Variants in GLIPR1L1 observed in about 807,000 individuals in gnomAD.
The protein encoded by GLIPR1L1 is GLIPR1-like protein 1.
In GLIPR1L1, 26 loss-of-function variants were observed where a neutral mutation model predicts 29.9. The observed-to-expected ratio is 0.87, with a 90% confidence interval of 0.64 to 1.21. The LOEUF is 1.21. Ranked by LOEUF, GLIPR1L1 falls within the 50% of genes most tolerant of loss-of-function variation. The pLI, the probability that GLIPR1L1 is intolerant of heterozygous loss-of-function variation, is 0.00. For synonymous variants in GLIPR1L1, 77 were observed against 97.5 expected, an observed-to-expected ratio of 0.79 and a Z score of 1.24; for missense variants, 305 against 290.3, an observed-to-expected ratio of 1.05 and a Z score of -0.37.
intron 4 of GLIPR1L1, among the ~76,000 whole-genome samples, chr12:75,364,065 G>A (rs2043801219): frequency 6.6e-6 from 1 of 152,198 alleles, no homozygotes; most frequent in Admixed American, 6.5e-5. Flanking sequence ...TTATTAAGTA[G>A]ATGAAACCTC....
chr12:75,337,877 A>T (rs1398797156), intron 1 of GLIPR1L1, among the ~76,000 whole-genome samples: 4 of 152,056 alleles, frequency 2.6e-5, no homozygotes, highest in Non-Finnish European at 5.9e-5. Flanking sequence ...CCGGGGTTAG[A>T]GATTGACTTT....
chr12:75,365,483 G>T (rs2043903854), intron 4 of GLIPR1L1, among the ~76,000 whole-genome samples: 1 of 151,954 alleles, frequency 6.6e-6, no homozygotes, highest in Admixed American at 6.6e-5. Context: ...ACCTTCTTTT[G>T]CATATAACTT....
chr12:75,336,125 T>A (rs1300761417), intron 1 of GLIPR1L1, among the ~76,000 whole-genome samples: 1 of 151,912 alleles, frequency 6.6e-6, no homozygotes, highest in Non-Finnish European at 1.5e-5. Context: ...CTTATATTGT[T>A]AAGAATCACA....
chr12:75,349,068 TAC>T (rs1593726447), intron 3 of GLIPR1L1, among the ~76,000 whole-genome samples: 1 of 152,070 alleles, frequency 6.6e-6, no homozygotes, highest in East Asian at 1.9e-4. Flanking sequence ...AAAAGAGAAC[TAC>T]ACACAGAGAG....
chr12:75,337,246 A>G (rs1241094983), intron 1 of GLIPR1L1, among the ~76,000 whole-genome samples: 1 of 151,796 alleles, frequency 6.6e-6, no homozygotes, highest in Non-Finnish European at 1.5e-5. Flanking sequence ...AAAACTAAAG[A>G]TGATCATAAT....
In GLIPR1L1 at chr12:75,334,914, C is replaced by A. The variant is rs746748678; in HGVS notation, c.174+12C>A. 6.2e-7 allele frequency: 1 copy of A among 1,611,114 alleles called. No individual in the cohort carries two copies. Among genetic ancestry groups the A allele is most frequent in the Admixed American group, 1.7e-5 (1 of 59,898 alleles). On this transcript the variant is annotated intron_variant, in intron 1 of 5. Transcript: ENST00000378695. ...ACATGAAATACATGGTGAGAAAGAA[C>A]CAGGGCTGGGCTCTTAAATCCCTGA...
At position 75,347,717 on chromosome 12, in the gene GLIPR1L1, AC is replaced by A. The variant is rs1565970694; in HGVS notation, c.518del (p.Pro173LeufsTer12). On this transcript the variant is annotated frameshift_variant, in exon 3 of 6. Coordinates refer to ENST00000378695, the MANE Select transcript of GLIPR1L1 (RefSeq NM_001304964.2). LOFTEE classifies it high-confidence loss of function. The stretch of plus-strand genomic sequence containing the variant: ...CTGCAATATTTGTATGCAACTACGG[AC>A]CTGCGTGAGTTATTTTCTCTTAAAA... ...STAIFVCNYG[P>X]AGNFANMPPY... 2 of 1,585,154 alleles carry A rather than the reference AC, an allele frequency of 1.3e-6. No individual in the cohort carries two copies. Among genetic ancestry groups the A allele is most frequent in the African/African-American group, 2.7e-5 (2 of 74,156 alleles).
chr12:75,357,183 C>A (rs1420712636), intron 3 of GLIPR1L1, among the ~76,000 whole-genome samples: 1 of 152,062 alleles, frequency 6.6e-6, no homozygotes, highest in African/African-American at 2.4e-5. Context: ...GTGTGAGACT[C>A]CATCGCTAAA....
At position 75,352,787 on chromosome 12, in the gene GLIPR1L1, T is replaced by C. The variant is rs532446339; in HGVS notation, c.521+5065T>C. On this transcript the variant is annotated intron_variant, in intron 3 of 5. Coordinates refer to ENST00000378695, the MANE Select transcript of GLIPR1L1 (RefSeq NM_001304964.2). Reference sequence around the variant, plus strand: ...CTCAGCAAATGCAAAAGAACTGAAATCATAACAGTCTCTCAGAACAAAATA... The same window carrying C: ...CTCAGCAAATGCAAAAGAACTGAAACCATAACAGTCTCTCAGAACAAAATA... Among the ~76,000 whole-genome samples the C allele has an allele frequency of 3.3e-5, 5 of 152,194 alleles. No homozygotes were observed. The East Asian group carries it at 9.7e-4, about 29-fold the overall frequency.
At chr12:75,359,343 C>G (rs1001248733) in intron 3 of GLIPR1L1, among the ~76,000 whole-genome samples, 12 of 134,928 alleles carry the variant, frequency 8.9e-5, no homozygotes, top group African/African-American at 3.3e-4. Flanking sequence ...AGTTAGAAGA[C>G]TCAGCATTGT....
Position 75,366,059 on chromosome 12 carries a change from A to T in GLIPR1L1, c.610+2869A>T, listed in dbSNP as rs963465922. 2.6e-5 allele frequency among the ~76,000 whole-genome samples: 4 copies of T among 152,152 alleles called. No homozygotes were observed. The South Asian group carries it at 8.3e-4, about 31-fold the overall frequency. Reference sequence around the variant, plus strand: ...AATTCTAATTCTAATGTTACTTTACAAAGAATTTTAAAGCCAGTTTATTTA... The same window carrying T: ...AATTCTAATTCTAATGTTACTTTACTAAGAATTTTAAAGCCAGTTTATTTA... On this transcript the variant is annotated intron_variant, in intron 4 of 5. Coordinates refer to ENST00000378695, the MANE Select transcript of GLIPR1L1 (RefSeq NM_001304964.2).
intron 2 of GLIPR1L1, among the ~76,000 whole-genome samples, chr12:75,344,392 C>G (rs2042314993): frequency 6.6e-6 from 1 of 152,046 alleles, no homozygotes; most frequent in South Asian, 2.1e-4. Flanking sequence ...ATCTAGCCTT[C>G]TGTAATGTTT....
chr12:75,342,326 TTTC>T (rs1212863640), intron 1 of GLIPR1L1, among the ~76,000 whole-genome samples: 1 of 152,236 alleles, frequency 6.6e-6, no homozygotes, highest in East Asian at 1.9e-4. Context: ...CCAATGTCAA[TTTC>T]TTATTTTGAT....
chr12:75,339,718 T>G (rs906247112), intron 1 of GLIPR1L1, among the ~76,000 whole-genome samples: 20 of 152,318 alleles, frequency 1.3e-4, no homozygotes, highest in East Asian at 9.6e-4. Context: ...TTTATGATTT[T>G]GGGTTTTACA....
chr12:75,370,087 A>G lies in GLIPR1L1; in HGVS notation c.640A>G (p.Asn214Asp). ...RTPQLIIPNQ[N>D]PFLKPTGRAP... The stretch of plus-strand genomic sequence containing the variant: ...GGTTTTGTTTTTGTTTTTGACAGAA[A>G]ATCCATTTCTGAAGCCAACGGGGAG... Residue 214 changes from asparagine (N) to aspartate (D), a missense_variant and splice_region_variant, in exon 6 of 6, where the codon AAT becomes GAT. Coordinates refer to ENST00000378695, the MANE Select transcript of GLIPR1L1 (RefSeq NM_001304964.2). 6.3e-7 allele frequency: 1 copy of G among 1,595,422 alleles called. No homozygotes were observed. The highest frequency in any genetic ancestry group is 8.6e-7 in the Non-Finnish European group (1 of 1,166,686).
intron 4 of GLIPR1L1, chr12:75,365,367 A>T (rs1285010136): frequency 6.6e-6 from 1 of 152,174 alleles, no homozygotes; most frequent in Non-Finnish European, 1.5e-5. Context: ...ATTAGAACAG[A>T]AAAAGGAAAC....
At chr12:75,339,391 T>C (rs956814100) in intron 1 of GLIPR1L1, among the ~76,000 whole-genome samples, 5 of 152,154 alleles carry the variant, frequency 3.3e-5, no homozygotes, top group African/African-American at 1.2e-4. Context: ...TGGCCATATG[T>C]ATGTCTTCTT....
chr12:75,369,397 A>T, intron 4 of GLIPR1L1: 1 of 413,150 alleles, frequency 2.4e-6, no homozygotes, highest in Non-Finnish European at 3.3e-6. Context: ...TTTTGCTGGT[A>T]ACCATTATAT....
rs770296230 is a variant in GLIPR1L1, at chr12:75,363,200, A to AAT, written c.610+22_610+23dup. 114 of 1,224,872 alleles carry AAT rather than the reference A, an allele frequency of 9.3e-5. No homozygotes were observed. The highest frequency in any genetic ancestry group is 2.9e-4 in the African/African-American group (18 of 62,846). The allele number at this position is 1,224,872 out of a possible 1,614,324, so 75.9% of individuals were successfully genotyped here. On this transcript the variant is annotated intron_variant, in intron 4 of 5. Transcript: ENST00000378695. ...GTAAAGAACCTCTGCAGTAAGCAAA[A>AAT]ATATATATATATAATTACATTTAGA...
Sources: gnomAD v4.1 joint callset for allele counts (sites outside exome capture counted in the v4.1 genomes callset) on GRCh38, gnomAD v4.1.1 for gene constraint, MANE v1.5 for transcripts, NCBI Gene and HGNC (gene_info 2026-07-23, HGNC 2026-07-21) for gene names.